AP2B1: variants seen among roughly 807,000 people sequenced by gnomAD.
AP2B1 encodes the protein adaptor related protein complex 2 subunit beta 1.
In AP2B1, 23 loss-of-function variants were observed where a neutral mutation model predicts 102.0. That is an observed-to-expected ratio of 0.23 (90% CI 0.16 to 0.32). AP2B1 has a LOEUF of 0.32. Among genes scored for constraint, AP2B1 ranks in the 10% least tolerant of loss-of-function variants. AP2B1 has a pLI of 1.00. For missense variants in AP2B1, 541 were observed against 1,157.4 expected, an observed-to-expected ratio of 0.47 and a Z score of 7.73; for synonymous variants, 381 against 421.2, an observed-to-expected ratio of 0.90 and a Z score of 1.17.
intron 5 of AP2B1, among the ~76,000 whole-genome samples, chr17:35,623,487 C>G (rs1256414341): frequency 2.0e-5 from 3 of 152,132 alleles, no homozygotes; most frequent in African/African-American, 7.2e-5. Context: ...TCCCTTGAAC[C>G]CAGTAGATGA....
chr17:35,714,605 G>A (rs1555589015), intron 20 of AP2B1, among the ~76,000 whole-genome samples: 1 of 152,162 alleles, frequency 6.6e-6, no homozygotes, highest in African/African-American at 2.4e-5. Flanking sequence ...CACACTTTGG[G>A]AGCCTGAGGC....
chr17:35,710,455 G>A, intron 20 of AP2B1, 135 bp downstream of exon 20: 1 of 623,602 alleles, frequency 1.6e-6, no homozygotes, highest in African/African-American at 1.8e-5. Flanking sequence ...TATGGTAGAT[G>A]CATTACTTTG....
intron 5 of AP2B1, among the ~76,000 whole-genome samples, 184 bp from the exon 6 acceptor site, chr17:35,624,213 A>G (rs1409778329): frequency 6.6e-6 from 1 of 152,214 alleles, no homozygotes; most frequent in South Asian, 2.1e-4. Flanking sequence ...ACCACTATAT[A>G]TAATATCATT....
chr17:35,587,914 TGCTCCGTAATGGAGG>T (rs2072950133), intron 1 of AP2B1: 1 of 152,158 alleles, frequency 6.6e-6, no homozygotes, highest in African/African-American at 2.4e-5. Flanking sequence ...ACCTCTTCCC[TGCTCCGTAATGGAGG>T]AGCATATCGC....
chr17:35,674,361 GTT>G, intron 17 of AP2B1, 40 bp downstream of exon 17: 1 of 1,610,108 alleles, frequency 6.2e-7, no homozygotes. Context: ...TGAGACAACA[GTT>G]TGCCTTAGAA....
At chr17:35,626,893 C>A (rs577185490) in intron 7 of AP2B1, 51 bp downstream of exon 7, 2 of 1,498,782 alleles carry the variant, frequency 1.3e-6, no homozygotes, top group Non-Finnish European at 1.9e-6. Context: ...TTGCATTAAG[C>A]TTAATAATGT....
intron 3 of AP2B1, 48 bp downstream of exon 3, chr17:35,598,383 C>T (rs1218418960): frequency 3.5e-6 from 4 of 1,144,338 alleles, no homozygotes; most frequent in Non-Finnish European, 5.0e-6. Context: ...GTCCATACCC[C>T]ATCTTATGGC....
intron 3 of AP2B1, 21 bp from the exon 4 acceptor site, chr17:35,605,684 T>C (rs562342809): frequency 6.3e-7 from 1 of 1,579,540 alleles, no homozygotes; most frequent in African/African-American, 1.4e-5. Flanking sequence ...TTTCCTTTTC[T>C]CTTTTACCCT....
At chr17:35,679,789 A>G (rs1245422839) in intron 17 of AP2B1, among the ~76,000 whole-genome samples, 2 of 152,142 alleles carry the variant, frequency 1.3e-5, no homozygotes, top group East Asian at 1.9e-4. Flanking sequence ...CCTTATAACT[A>G]TTATGCCTAA....
At chr17:35,646,237 A>G (rs1426589834) in intron 12 of AP2B1, among the ~76,000 whole-genome samples, 2 of 152,212 alleles carry the variant, frequency 1.3e-5, no homozygotes, top group South Asian at 2.1e-4. Context: ...CAAACATTTA[A>G]TGGCAACTTA....
At chr17:35,686,597 T>C (rs970131552) in intron 18 of AP2B1, among the ~76,000 whole-genome samples, 10 of 152,294 alleles carry the variant, frequency 6.6e-5, no homozygotes, top group Admixed American at 5.9e-4. Context: ...TTTGAGAACA[T>C]TGATAGCATC....
intron 13 of AP2B1, among the ~76,000 whole-genome samples, chr17:35,656,433 G>A (rs566098106): frequency 1.3e-5 from 2 of 152,088 alleles, no homozygotes; most frequent in Non-Finnish European, 2.9e-5. Context: ...TTCATACATT[G>A]TTGATTACAG....
At chr17:35,713,044 A>T (rs1405336358) in intron 20 of AP2B1, among the ~76,000 whole-genome samples, 2 of 152,236 alleles carry the variant, frequency 1.3e-5, no homozygotes, top group Admixed American at 1.3e-4. Context: ...AACAGAGAAG[A>T]AAAAATCCTC....
chr17:35,606,923 G>A (rs1379507434), intron 4 of AP2B1, among the ~76,000 whole-genome samples: 1 of 143,508 alleles, frequency 7.0e-6, no homozygotes, highest in Non-Finnish European at 1.5e-5. Context: ...TTTTTTTTTG[G>A]TGACAGAATT....
intron 1 of AP2B1, among the ~76,000 whole-genome samples, chr17:35,590,367 AT>A (rs202173048): frequency 4.0e-5 from 6 of 151,608 alleles, no homozygotes; most frequent in East Asian, 1.9e-4. Flanking sequence ...TATATATGTG[AT>A]TTTTTTTTGA....
intron 20 of AP2B1, 129 bp downstream of exon 20, chr17:35,710,449 G>A: frequency 3.1e-6 from 2 of 643,686 alleles, no homozygotes; most frequent in Non-Finnish European, 5.4e-6. Flanking sequence ...GGTATATATG[G>A]TAGATGCATT....
At chr17:35,695,138 G>A (rs1229045858) in intron 18 of AP2B1, among the ~76,000 whole-genome samples, 4 of 152,138 alleles carry the variant, frequency 2.6e-5, no homozygotes, top group Admixed American at 6.5e-5. Flanking sequence ...ATTGCTGACT[G>A]TTTCTGGCAA....
chr17:35,649,540 G>C (rs2075033313), intron 12 of AP2B1, among the ~76,000 whole-genome samples: 1 of 152,158 alleles, frequency 6.6e-6, no homozygotes, highest in South Asian at 2.1e-4. Flanking sequence ...AAAGTGCTGG[G>C]ATTACAGGCG....
At chr17:35,693,935 A>C (rs1178790820) in intron 18 of AP2B1, among the ~76,000 whole-genome samples, 2 of 152,364 alleles carry the variant, frequency 1.3e-5, no homozygotes, top group African/African-American at 2.4e-5. Flanking sequence ...TGTACTGTCC[A>C]CCAGGCAGAA....
Sources: allele counts gnomAD v4.1 joint callset (sites outside exome capture counted in the v4.1 genomes callset), GRCh38; gene constraint gnomAD v4.1.1; transcripts MANE v1.5; gene names NCBI Gene and HGNC (gene_info 2026-07-23, HGNC 2026-07-21).